GUCY1A2: variants seen among roughly 807,000 people sequenced by gnomAD.
The protein encoded by GUCY1A2 is guanylate cyclase 1 soluble subunit alpha 2.
A neutral mutation model predicts 63.5 loss-of-function variants in GUCY1A2; 27 were observed. The observed-to-expected ratio is 0.43, with a 90% confidence interval of 0.31 to 0.59. GUCY1A2 has a LOEUF of 0.59. GUCY1A2 is among the 20% of genes least tolerant of loss of function. The pLI is 0.11. For missense variants in GUCY1A2, 768 were observed against 913.3 expected (o/e 0.84, Z 2.05); for synonymous variants, 364 against 343.5 (o/e 1.06, Z -0.66).
intron 4 of GUCY1A2, 25 bp from the exon 5 acceptor site, chr11:106,810,503 A>G: frequency 6.4e-7 from 1 of 1,572,020 alleles, no homozygotes; most frequent in Non-Finnish European, 8.6e-7. Flanking sequence ...TGGAATTTTG[A>G]TCAGTACTCT....
intron 4 of GUCY1A2, among the ~76,000 whole-genome samples, chr11:106,898,007 A>C (rs1046663589): frequency 6.6e-6 from 1 of 152,178 alleles, no homozygotes; most frequent in Non-Finnish European, 1.5e-5. Context: ...AATATTAGGG[A>C]AACAACCCAA....
intron 3 of GUCY1A2, among the ~76,000 whole-genome samples, chr11:106,976,312 G>A (rs1233205326): frequency 2.6e-5 from 4 of 151,790 alleles, no homozygotes; most frequent in Non-Finnish European, 4.4e-5. Flanking sequence ...TTGTTTTCCT[G>A]TGCCACCCCC....
At chr11:106,968,243 G>A (rs1022691463) in intron 3 of GUCY1A2, among the ~76,000 whole-genome samples, 5 of 152,124 alleles carry the variant, frequency 3.3e-5, no homozygotes, top group Admixed American at 6.5e-5. Context: ...TGGGTATCAT[G>A]TCTATAGGCC....
intron 5 of GUCY1A2, among the ~76,000 whole-genome samples, chr11:106,791,106 G>C (rs781585296): frequency 3.4e-4 from 52 of 152,126 alleles, no homozygotes; most frequent in Non-Finnish European, 5.9e-4. Flanking sequence ...AGACTCCAGA[G>C]CACTTTAGTC....
chr11:106,977,098 G>A (rs1040846691), intron 3 of GUCY1A2, among the ~76,000 whole-genome samples: 2 of 152,156 alleles, frequency 1.3e-5, no homozygotes, highest in Admixed American at 6.5e-5. Flanking sequence ...GAAGAAAGAC[G>A]TGAGGGTCAG....
intron 4 of GUCY1A2, among the ~76,000 whole-genome samples, chr11:106,857,134 T>C (rs1395359218): frequency 6.6e-6 from 1 of 152,220 alleles, no homozygotes; most frequent in Non-Finnish European, 1.5e-5. Context: ...AGGGCTGCTA[T>C]AACAAAATAC....
intron 4 of GUCY1A2, among the ~76,000 whole-genome samples, chr11:106,878,316 G>A (rs6588933): frequency 0.74 from 112,197 of 151,962 alleles, 41,771 homozygotes; most frequent in Non-Finnish European, 0.77. Context: ...TCTGTCATAA[G>A]GACACAAGGA....
chr11:106,822,454 T>C (rs1006292644), intron 4 of GUCY1A2, among the ~76,000 whole-genome samples: 16 of 152,154 alleles, frequency 1.1e-4, no homozygotes, highest in African/African-American at 3.9e-4. Flanking sequence ...TACAAATGGT[T>C]TTATTACCCA....
rs765581103 is a variant in GUCY1A2 at position 106,810,437 on chromosome 11, T to C, written c.1248A>G (p.Ser416=). ...VKGQMIHVPE[S]NSILFLGSPC... ...GAGAGCCCAAAAATAAAATGGAATT[T>C]GATTCTGGAACATGGATCATTTGTC... Residue 416 remains serine, a synonymous_variant, in exon 5 of 8, where the codon TCA becomes TCG. Transcript: ENST00000526355. 5 of 1,611,304 alleles carry C rather than the reference T, an allele frequency of 3.1e-6. No individual in the cohort carries two copies. Among genetic ancestry groups the C allele is most frequent in the Non-Finnish European group, 3.4e-6 (4 of 1,178,450 alleles).
chr11:106,800,088 G>T (rs1041757515), intron 5 of GUCY1A2, among the ~76,000 whole-genome samples: 1 of 152,146 alleles, frequency 6.6e-6, no homozygotes, highest in African/African-American at 2.4e-5. Flanking sequence ...GATATGAACA[G>T]ACACTTCTCA....
rs371954547 is a variant in GUCY1A2, at chr11:107,016,148, C to A, written c.303+1605G>T. Reference sequence around the variant, plus strand: ...AGGGTTCCACTCCTTCTTAGGTCCCCCCTACCATCATTTGCAGTAGTAATC... The same window carrying A: ...AGGGTTCCACTCCTTCTTAGGTCCCACCTACCATCATTTGCAGTAGTAATC... On this transcript the variant is annotated intron_variant, in intron 1 of 7. Transcript: ENST00000526355. Among the ~76,000 whole-genome samples the A allele has an allele frequency of 4.6e-5, 7 of 152,202 alleles. No individual in the cohort carries two copies. The East Asian group carries it at 9.6e-4, about 21-fold the overall frequency.
chr11:106,843,048 T>C (rs1859222233), intron 4 of GUCY1A2, among the ~76,000 whole-genome samples: 1 of 151,912 alleles, frequency 6.6e-6, no homozygotes, highest in East Asian at 1.9e-4. Context: ...TTCTATTTAT[T>C]TATTTTTAAA....
chr11:106,733,918 C>T (rs140104874), intron 6 of GUCY1A2, among the ~76,000 whole-genome samples: 72 of 152,220 alleles, frequency 4.7e-4, no homozygotes, highest in African/African-American at 1.5e-3. Context: ...CCTAGGGGAG[C>T]ATTCCTCTAT....
chr11:106,838,797 C>T (rs1283597937), intron 4 of GUCY1A2, among the ~76,000 whole-genome samples: 5 of 151,952 alleles, frequency 3.3e-5, no homozygotes. Flanking sequence ...AGTGTCTGTT[C>T]ATATCCTTCG....
chr11:106,808,374 G>A (rs1858720380), intron 5 of GUCY1A2, among the ~76,000 whole-genome samples: 1 of 151,988 alleles, frequency 6.6e-6, no homozygotes, highest in Non-Finnish European at 1.5e-5. Flanking sequence ...AGGAAAATTT[G>A]AAGATCATAC....
At position 106,750,806 on chromosome 11, in the gene GUCY1A2, TATA is replaced by T. The variant is rs563080056; in HGVS notation, c.1836+25630_1836+25632del. Among the ~76,000 whole-genome samples, 479 of 151,868 alleles carry T rather than the reference TATA, an allele frequency of 3.2e-3. 3 individuals carry two copies. Among genetic ancestry groups the T allele is most frequent in the Non-Finnish European group, 5.2e-3 (354 of 67,946 alleles). On this transcript the variant is annotated intron_variant, in intron 6 of 7. Coordinates refer to ENST00000526355, the MANE Select transcript of GUCY1A2 (RefSeq NM_000855.3). ...GACATGCGATTTCCTTTTTTTTTTC[TATA>T]ATATTTCTTTCTTTTCTCTTGCGAA...
At position 106,679,801 on chromosome 11, in the gene GUCY1A2, C is replaced by T; in HGVS notation, c.*7748G>A. On this transcript the variant is annotated 3_prime_UTR_variant, in exon 8 of 8. Transcript: ENST00000526355. ...CAGATGTTCTGACACTTTCATTTAC[C>T]TTAATCATTGTAACCAAGACTAGTT... 4.6e-6 allele frequency: 1 copy of T among 217,800 alleles called. No homozygotes were observed. The highest frequency in any genetic ancestry group is 6.7e-5 in the East Asian group (1 of 14,914). 13.5% of individuals were successfully genotyped at this position (217,800 alleles called of 1,614,324 possible). A position where few individuals can be genotyped will look rare whatever the true frequency, so the allele number is the denominator to read the frequency against.
chr11:106,919,515 A>G (rs1860413631), intron 4 of GUCY1A2, among the ~76,000 whole-genome samples: 2 of 152,128 alleles, frequency 1.3e-5, no homozygotes, highest in African/African-American at 4.8e-5. Context: ...TTATTCATCA[A>G]TTATACCTCA....
chr11:107,018,031 C>A lies in GUCY1A2; in HGVS notation c.25G>T (p.Glu9Ter). 6.8e-7 allele frequency: 1 copy of A among 1,472,326 alleles called. No individual in the cohort carries two copies. The highest frequency in any genetic ancestry group is 9.1e-7 in the Non-Finnish European group (1 of 1,100,644). 91.2% of individuals were successfully genotyped at this position (1,472,326 alleles called of 1,614,324 possible). MSRRKISS[E>*]SFSSLGSDYL... ...TCGGAGCCCAGGGAGCTGAAGGACTCGGACGAAATCTTCCTTCGAGACATG... is the reference window on the plus strand; with the variant it reads ...TCGGAGCCCAGGGAGCTGAAGGACTAGGACGAAATCTTCCTTCGAGACATG... Residue 9 changes from glutamate to a stop codon, truncating the protein, a stop_gained, in exon 1 of 8, where the codon GAG becomes TAG. Coordinates refer to ENST00000526355, the MANE Select transcript of GUCY1A2 (RefSeq NM_000855.3). LOFTEE classifies it high-confidence loss of function.
Sources: gnomAD v4.1 joint callset for allele counts (sites outside exome capture counted in the v4.1 genomes callset) on GRCh38, gnomAD v4.1.1 for gene constraint, MANE v1.5 for transcripts, NCBI Gene and HGNC (gene_info 2026-07-23, HGNC 2026-07-21) for gene names.